Variants in LINGO2 observed in about 807,000 individuals in gnomAD.
LINGO2 encodes leucine rich repeat and Ig domain containing 2, also known as leucine-rich repeat and immunoglobulin-like domain-containing nogo receptor-interacting protein 2.
In LINGO2, 14 loss-of-function variants were observed where a neutral mutation model predicts 30.6. The ratio of observed to expected loss-of-function variants is 0.46; its 90% CI spans 0.30 to 0.72. The LOEUF is 0.72. Among genes scored for constraint, LINGO2 ranks in the 30% least tolerant of loss-of-function variants. The pLI, the probability that LINGO2 is intolerant of heterozygous loss-of-function variation, is 0.07. For synonymous variants in LINGO2, 317 were observed against 288.5 expected (o/e 1.10, Z -1.00); for missense variants, 729 against 751.7 (o/e 0.97, Z 0.35).
At chr9:28,874,648 A>C in the LINGO2 span, among the ~76,000 whole-genome samples, 1 of 152,032 alleles carries the variant, frequency 6.6e-6, no homozygotes, top group African/African-American at 2.4e-5. Context: ...TGAATCTAGA[A>C]TTTGCCTTCA....
the LINGO2 span, among the ~76,000 whole-genome samples, chr9:28,909,285 T>C: frequency 0.018 from 2,770 of 152,034 alleles, 38 homozygotes; most frequent in Non-Finnish European, 0.029. Flanking sequence ...AGAGTTTATC[T>C]AGTATTTATA....
At chr9:28,234,686 G>T (rs1821495887) in intron 4 of LINGO2, among the ~76,000 whole-genome samples, 1 of 150,208 alleles carries the variant, frequency 6.7e-6, no homozygotes, top group Non-Finnish European at 1.5e-5. Context: ...TTGGAATCTT[G>T]GACTTACGCC....
intron 4 of LINGO2, among the ~76,000 whole-genome samples, chr9:28,014,657 G>A (rs1253059205): frequency 6.6e-6 from 1 of 152,090 alleles, no homozygotes. Context: ...TCATCTACTA[G>A]TTTTTATGTA....
At chr9:28,686,714 A>G in the LINGO2 span, among the ~76,000 whole-genome samples, 1 of 152,068 alleles carries the variant, frequency 6.6e-6, no homozygotes, top group African/African-American at 2.4e-5. Flanking sequence ...AAGCCTCTAA[A>G]TGCAGGTTTA....
chr9:28,708,827 A>G, the LINGO2 span, among the ~76,000 whole-genome samples: 27 of 141,960 alleles, frequency 1.9e-4, no homozygotes, highest in Admixed American at 1.9e-3. Context: ...TCTATCCATC[A>G]TCTATCTATC....
At chr9:29,158,871 C>T in the LINGO2 span, among the ~76,000 whole-genome samples, 1 of 145,716 alleles carries the variant, frequency 6.9e-6, no homozygotes, top group South Asian at 2.1e-4. Flanking sequence ...CCTTATCCCT[C>T]TGAATTCTAA....
chr9:28,864,462 C>T, the LINGO2 span, among the ~76,000 whole-genome samples: 3 of 152,030 alleles, frequency 2.0e-5, no homozygotes, highest in Non-Finnish European at 2.9e-5. Flanking sequence ...AGAATCCCAC[C>T]TTTTAACTTT....
At chr9:29,155,800 A>T in the LINGO2 span, among the ~76,000 whole-genome samples, 1 of 152,030 alleles carries the variant, frequency 6.6e-6, no homozygotes, top group Non-Finnish European at 1.5e-5. Flanking sequence ...TTTTTTGAAA[A>T]AATGACAGTT....
the LINGO2 span, among the ~76,000 whole-genome samples, chr9:29,005,265 T>C: frequency 3.9e-5 from 6 of 151,918 alleles, no homozygotes; most frequent in Admixed American, 6.6e-5. Flanking sequence ...ATTTTAATAA[T>C]ACATCAGGGT....
the LINGO2 span, among the ~76,000 whole-genome samples, chr9:28,946,380 T>C: frequency 1.3e-5 from 2 of 152,148 alleles, no homozygotes; most frequent in Non-Finnish European, 2.9e-5. Context: ...GGTTAGGAGC[T>C]TCTGTAAAAT....
intron 5 of LINGO2, among the ~76,000 whole-genome samples, chr9:28,004,060 A>G (rs1348962129): frequency 6.6e-6 from 1 of 152,236 alleles, no homozygotes; most frequent in East Asian, 1.9e-4. Context: ...GAACAATGAA[A>G]TAATCAAACT....
At chr9:29,040,511 G>T in the LINGO2 span, among the ~76,000 whole-genome samples, 1 of 150,692 alleles carries the variant, frequency 6.6e-6, no homozygotes, top group Non-Finnish European at 1.5e-5. Flanking sequence ...GTTCATAACA[G>T]AACTTAGGTT....
chr9:28,094,805 C>A (rs1029885668), intron 4 of LINGO2, among the ~76,000 whole-genome samples: 3 of 151,964 alleles, frequency 2.0e-5, no homozygotes, highest in African/African-American at 7.2e-5. Flanking sequence ...CCCACTCAAC[C>A]AGACCCTCAA....
intron 4 of LINGO2, among the ~76,000 whole-genome samples, chr9:28,091,083 G>A (rs914961790): frequency 1.3e-5 from 2 of 152,088 alleles, no homozygotes; most frequent in Non-Finnish European, 2.9e-5. Context: ...ACAAATGGAA[G>A]AACATTCCAT....
chr9:28,851,462 T>G, the LINGO2 span, among the ~76,000 whole-genome samples: 1 of 152,074 alleles, frequency 6.6e-6, no homozygotes, highest in African/African-American at 2.4e-5. Context: ...TAATTCAGGA[T>G]AGTATCCCTA....
chr9:28,179,693 G>GTA (rs1259858791), intron 4 of LINGO2, among the ~76,000 whole-genome samples: 1 of 124,998 alleles, frequency 8.0e-6, no homozygotes, highest in African/African-American at 2.9e-5. Flanking sequence ...ATATACTATA[G>GTA]TATATATATA....
the LINGO2 span, among the ~76,000 whole-genome samples, chr9:28,844,430 A>G: frequency 3.3e-5 from 5 of 151,930 alleles, no homozygotes; most frequent in African/African-American, 9.7e-5. Flanking sequence ...ATATGAGCAC[A>G]GTGGTTCTGT....
chr9:28,761,291 G>C, the LINGO2 span, among the ~76,000 whole-genome samples: 7 of 151,880 alleles, frequency 4.6e-5, no homozygotes, highest in African/African-American at 1.7e-4. Flanking sequence ...GCTATTTATA[G>C]CATCAGTCCA....
chr9:28,924,264 AGGCT>A, the LINGO2 span, among the ~76,000 whole-genome samples: 4 of 152,172 alleles, frequency 2.6e-5, no homozygotes, highest in African/African-American at 9.6e-5. Flanking sequence ...TCTGTCACCC[AGGCT>A]GGAGAACAGT....
Sources: allele counts gnomAD v4.1 joint callset (sites outside exome capture counted in the v4.1 genomes callset), GRCh38; gene constraint gnomAD v4.1.1; transcripts MANE v1.5; gene names NCBI Gene and HGNC (gene_info 2026-07-23, HGNC 2026-07-21).